Variants in CNTNAP2 observed in about 807,000 individuals in gnomAD.
CNTNAP2 encodes the protein contactin-associated protein-like 2.
A neutral mutation model predicts 155.2 loss-of-function variants in CNTNAP2; 98 were observed. That is an observed-to-expected ratio of 0.63 (90% CI 0.54 to 0.75). The LOEUF is 0.75. CNTNAP2 is among the 30% of genes least tolerant of loss of function. The pLI, the probability that CNTNAP2 is intolerant of heterozygous loss-of-function variation, is 0.00. For synonymous variants in CNTNAP2, 651 were observed against 631.2 expected (o/e 1.03, Z -0.47); for missense variants, 1,727 against 1,688.1 (o/e 1.02, Z -0.40).
At chr7:147,936,537 G>A (rs935789761) in intron 14 of CNTNAP2, among the ~76,000 whole-genome samples, 10 of 152,184 alleles carry the variant, frequency 6.6e-5, no homozygotes, top group Non-Finnish European at 1.0e-4. Context: ...GTGCCATTGA[G>A]AGGGTCTTCT....
rs190139257 is a variant in CNTNAP2, at chr7:147,877,906, G to A, written c.2099-25659G>A. On this transcript the variant is annotated intron_variant, in intron 13 of 23. Coordinates refer to ENST00000361727, the MANE Select transcript of CNTNAP2 (RefSeq NM_014141.6). ...AGACACCAGTGTTTGCTGGCTGCTC[G>A]AATATTACCATTTAATACCCTACAT... Among the ~76,000 whole-genome samples, 12 of 152,228 alleles carry A rather than the reference G, an allele frequency of 7.9e-5. No individual in the cohort carries two copies. The East Asian group carries it at 1.7e-3, about 22-fold the overall frequency.
intron 15 of CNTNAP2, among the ~76,000 whole-genome samples, chr7:148,098,575 T>A (rs780577528): frequency 3.3e-5 from 5 of 151,562 alleles, no homozygotes; most frequent in Non-Finnish European, 5.9e-5. Flanking sequence ...CACAGTGGTG[T>A]GCATCATAGT....
At chr7:147,552,734 G>A (rs1799876436) in intron 11 of CNTNAP2, among the ~76,000 whole-genome samples, 1 of 152,098 alleles carries the variant, frequency 6.6e-6, no homozygotes, top group African/African-American at 2.4e-5. Flanking sequence ...CATAATATCA[G>A]TAGAAACAAT....
At chr7:148,080,149 G>T (rs948534350) in intron 15 of CNTNAP2, among the ~76,000 whole-genome samples, 2 of 152,176 alleles carry the variant, frequency 1.3e-5, no homozygotes, top group Non-Finnish European at 2.9e-5. Context: ...ATAGTGGGGA[G>T]CCTGTCTTAC....
intron 11 of CNTNAP2, among the ~76,000 whole-genome samples, chr7:147,500,781 G>T (rs866071578): frequency 2.1e-4 from 32 of 152,216 alleles, no homozygotes; most frequent in Middle Eastern, 6.8e-3. Context: ...TAAGAGAGAA[G>T]AACTTTATTT....
chr7:147,108,397 A>C (rs1800810494), intron 5 of CNTNAP2, 47 bp downstream of exon 5: 4 of 1,483,206 alleles, frequency 2.7e-6, no homozygotes, highest in Non-Finnish European at 2.8e-6. Flanking sequence ...GGATGTTCCC[A>C]TTAGGAATAT....
chr7:146,434,213 A>C (rs925051540), intron 1 of CNTNAP2, among the ~76,000 whole-genome samples: 5 of 152,174 alleles, frequency 3.3e-5, no homozygotes, highest in African/African-American at 7.2e-5. Flanking sequence ...TCATGAGAGA[A>C]TTACACTGTG....
intron 3 of CNTNAP2, among the ~76,000 whole-genome samples, chr7:146,859,382 T>A (rs12703842): frequency 6.6e-6 from 1 of 152,094 alleles, no homozygotes; most frequent in African/African-American, 2.4e-5. Context: ...CCTTGTTGGG[T>A]GCAGTGGCTC....
chr7:146,843,823 T>C (rs1206443207), intron 3 of CNTNAP2, among the ~76,000 whole-genome samples: 1 of 152,128 alleles, frequency 6.6e-6, no homozygotes, highest in East Asian at 1.9e-4. Flanking sequence ...ACATTATGTA[T>C]ACTGGACTTG....
At chr7:146,273,764 G>A (rs1184245290) in intron 1 of CNTNAP2, among the ~76,000 whole-genome samples, 1 of 152,092 alleles carries the variant, frequency 6.6e-6, no homozygotes, top group East Asian at 1.9e-4. Context: ...AGATTTTAAG[G>A]ACGACCCTTT....
At chr7:146,323,080 T>C (rs1349260958) in intron 1 of CNTNAP2, among the ~76,000 whole-genome samples, 1 of 152,092 alleles carries the variant, frequency 6.6e-6, no homozygotes, top group Non-Finnish European at 1.5e-5. Context: ...AAATTACCTA[T>C]ATGTGACCTA....
chr7:148,331,724 T>TGGATGGATGGAG lies in CNTNAP2; in HGVS notation c.3476-51925_3476-51924insGGATGGATGGAG, dbSNP rs1563045945. 7.7e-4 allele frequency among the ~76,000 whole-genome samples: 23 copies of TGGATGGATGGAG among 29,698 alleles called. 1 individual carries two copies. Among genetic ancestry groups the TGGATGGATGGAG allele is most frequent in the South Asian group, 4.1e-3 (4 of 972 alleles). The allele number at this position is 29,698 out of a possible 152,430, so 19.5% of individuals were successfully genotyped here. A position where few individuals can be genotyped will look rare whatever the true frequency, so the allele number is the denominator to read the frequency against. ...TGGATGGATGGAGTGGACGGATGGA[T>TGGATGGATGGAG]TGGATGGATGGAGTGGATGGATGGA... On this transcript the variant is annotated intron_variant, in intron 21 of 23. Transcript: ENST00000361727.
At position 148,097,324 on chromosome 7, in the gene CNTNAP2, C is replaced by T. The variant is rs532931527; in HGVS notation, c.2384-20794C>T. ...AACCAGAAAATGTGTTGTTTAAATT[C>T]AGCTCGTGTCATTTGTAAAAAAAAA... On this transcript the variant is annotated intron_variant, in intron 15 of 23. Coordinates refer to ENST00000361727, the MANE Select transcript of CNTNAP2 (RefSeq NM_014141.6). Among the ~76,000 whole-genome samples the T allele has an allele frequency of 1.7e-4, 19 of 114,216 alleles. No individual in the cohort carries two copies. The East Asian group carries it at 4.7e-3, about 28-fold the overall frequency. The allele number at this position is 114,216 out of a possible 152,430, so 74.9% of individuals were successfully genotyped here.
intron 13 of CNTNAP2, among the ~76,000 whole-genome samples, chr7:147,702,424 G>A (rs1347526729): frequency 6.6e-6 from 1 of 151,778 alleles, no homozygotes; most frequent in Non-Finnish European, 1.5e-5. Context: ...ACCTATTTCT[G>A]GACCAAAAAT....
At chr7:146,996,343 C>G (rs1036068179) in intron 3 of CNTNAP2, among the ~76,000 whole-genome samples, 2 of 152,036 alleles carry the variant, frequency 1.3e-5, no homozygotes, top group African/African-American at 4.8e-5. Context: ...TACTTTCAAT[C>G]TACGAACATA....
intron 13 of CNTNAP2, among the ~76,000 whole-genome samples, chr7:147,892,111 AATG>A (rs1799706444): frequency 6.6e-6 from 1 of 152,228 alleles, no homozygotes; most frequent in Non-Finnish European, 1.5e-5. Flanking sequence ...AATCCTAACA[AATG>A]AGAAATGACA....
chr7:147,688,698 G>A (rs952559551), intron 13 of CNTNAP2, among the ~76,000 whole-genome samples: 1 of 152,150 alleles, frequency 6.6e-6, no homozygotes, highest in Non-Finnish European at 1.5e-5. Flanking sequence ...GTATCATAGG[G>A]AAAAGTTAGA....
intron 14 of CNTNAP2, among the ~76,000 whole-genome samples, chr7:147,976,923 AT>A (rs1278904080): frequency 6.6e-6 from 1 of 151,938 alleles, no homozygotes; most frequent in East Asian, 1.9e-4. Flanking sequence ...GTAAAAAATC[AT>A]CTGAAAGGGT....
intron 17 of CNTNAP2, 90 bp downstream of exon 17, chr7:148,147,799 G>A: frequency 3.1e-6 from 4 of 1,307,816 alleles, no homozygotes; most frequent in Non-Finnish European, 4.3e-6. Context: ...GCCTATGCAA[G>A]GTTTGATATA....
Sources: allele counts gnomAD v4.1 joint callset (sites outside exome capture counted in the v4.1 genomes callset), GRCh38; gene constraint gnomAD v4.1.1; transcripts MANE v1.5; gene names NCBI Gene and HGNC (gene_info 2026-07-23, HGNC 2026-07-21).